RANBP2: variants seen among roughly 807,000 people sequenced by gnomAD.
The protein encoded by RANBP2 is RAN binding protein 2, also known as E3 SUMO-protein ligase RanBP2.
RANBP2 carries 57 observed loss-of-function variants against 303.6 expected under a neutral mutation model. That is an observed-to-expected ratio of 0.19 (90% CI 0.15 to 0.23). RANBP2 has a LOEUF of 0.23. RANBP2 is among the 10% of genes least tolerant of loss of function. The probability of loss-of-function intolerance (pLI) is 1.00; values close to 1 mark genes in which losing one functional copy is unlikely to be tolerated. For missense variants in RANBP2, 3,138 were observed against 3,780.8 expected, an observed-to-expected ratio of 0.83 and a Z score of 4.46; for synonymous variants, 1,167 against 1,301.5, an observed-to-expected ratio of 0.90 and a Z score of 2.23.
the RANBP2 span, among the ~76,000 whole-genome samples, chr2:109,234,192 C>T: frequency 1.3e-5 from 2 of 152,068 alleles, no homozygotes; most frequent in Non-Finnish European, 2.9e-5. Flanking sequence ...AATAATAGGC[C>T]ATTGGAATCT....
At chr2:108,869,535 C>T in the RANBP2 span, among the ~76,000 whole-genome samples, 1 of 152,196 alleles carries the variant, frequency 6.6e-6, no homozygotes, top group South Asian at 2.1e-4. Context: ...GGCACCATAG[C>T]ACATGAAAAC....
At chr2:108,794,431 T>G in the RANBP2 span, 1 of 1,033,606 alleles carries the variant, frequency 9.7e-7, no homozygotes, top group Non-Finnish European at 1.3e-6. Flanking sequence ...CTTGAAACTT[T>G]TTAATGTTAT....
chr2:109,674,244 C>T, the RANBP2 span, among the ~76,000 whole-genome samples: 222 of 151,794 alleles, frequency 1.5e-3, 1 homozygote, highest in African/African-American at 5.2e-3. Context: ...TAACAACCCC[C>T]CCCCAAAATG....
the RANBP2 span, among the ~76,000 whole-genome samples, chr2:109,383,012 C>T: frequency 2.0e-5 from 3 of 152,240 alleles, no homozygotes; most frequent in Non-Finnish European, 4.4e-5. Flanking sequence ...ACCTGGAGAT[C>T]GGCCTTAGGA....
chr2:109,371,784 A>C, the RANBP2 span: 12 of 950,958 alleles, frequency 1.3e-5, no homozygotes, highest in African/African-American at 1.9e-4. Context: ...AGAGAGAAAG[A>C]GGATCCTCCA....
At chr2:109,614,825 C>G in the RANBP2 span, 381 of 1,433,120 alleles carry the variant, frequency 2.7e-4, no homozygotes, top group Non-Finnish European at 3.4e-4. Context: ...CTGCCGGGCC[C>G]GAGGCGCGCG....
the RANBP2 span, among the ~76,000 whole-genome samples, chr2:109,078,098 A>ATATATATATAGCGTG: frequency 0.061 from 3,671 of 59,774 alleles, 511 homozygotes; most frequent in East Asian, 0.48. Context: ...ATATATATAT[A>ATATATATATAGCGTG]TATATATATA....
the RANBP2 span, among the ~76,000 whole-genome samples, chr2:109,735,192 A>G: frequency 6.6e-6 from 1 of 152,112 alleles, no homozygotes; most frequent in South Asian, 2.1e-4. Context: ...CTTAATAACC[A>G]CTATTCTACT....
chr2:109,371,243 A>G, the RANBP2 span, among the ~76,000 whole-genome samples: 1 of 152,230 alleles, frequency 6.6e-6, no homozygotes, highest in African/African-American at 2.4e-5. Flanking sequence ...TACAAAAATT[A>G]GCTGGGTGTG....
At chr2:109,213,151 C>G in the RANBP2 span, among the ~76,000 whole-genome samples, 1 of 152,200 alleles carries the variant, frequency 6.6e-6, no homozygotes, top group Admixed American at 6.5e-5. Flanking sequence ...AGTTTTTAAA[C>G]TGGGTTTAAA....
the RANBP2 span, among the ~76,000 whole-genome samples, chr2:109,053,174 T>C: frequency 6.6e-6 from 1 of 152,246 alleles, no homozygotes; most frequent in East Asian, 1.9e-4. Flanking sequence ...ACACCTCATC[T>C]GTCTGCACAA....
chr2:108,860,190 A>G, the RANBP2 span, among the ~76,000 whole-genome samples: 2 of 151,412 alleles, frequency 1.3e-5, no homozygotes, highest in Admixed American at 6.6e-5. Context: ...TTGTACGTTG[A>G]ATTTGTATCT....
At chr2:108,918,444 C>T in the RANBP2 span, among the ~76,000 whole-genome samples, 3 of 152,164 alleles carry the variant, frequency 2.0e-5, no homozygotes, top group Non-Finnish European at 2.9e-5. Flanking sequence ...TGGCCAACTG[C>T]GGGTCCATCT....
the RANBP2 span, chr2:109,613,834 G>T: frequency 8.1e-7 from 1 of 1,237,456 alleles, no homozygotes; most frequent in Non-Finnish European, 1.0e-6. Context: ...CCATGGTCGC[G>T]GGCAGGGGCA....
the RANBP2 span, among the ~76,000 whole-genome samples, chr2:108,835,750 T>C: frequency 1.3e-5 from 2 of 152,248 alleles, no homozygotes; most frequent in African/African-American, 4.8e-5. Context: ...TATTTTATCT[T>C]GCAAAACTAA....
the RANBP2 span, among the ~76,000 whole-genome samples, chr2:108,942,394 G>A: frequency 3.3e-5 from 5 of 152,224 alleles, no homozygotes; most frequent in Admixed American, 3.3e-4. Flanking sequence ...GGGGCTGAGG[G>A]GAGGAAGGGC....
At chr2:109,154,837 C>T in the RANBP2 span, among the ~76,000 whole-genome samples, 6 of 152,220 alleles carry the variant, frequency 3.9e-5, no homozygotes, top group Non-Finnish European at 7.3e-5. Context: ...GCCCCACTTT[C>T]TGCTATGGCC....
At chr2:109,233,220 T>C in the RANBP2 span, among the ~76,000 whole-genome samples, 1 of 152,196 alleles carries the variant, frequency 6.6e-6, no homozygotes, top group Admixed American at 6.5e-5. Context: ...ACCCAGGTTC[T>C]TGTCCAGCAC....
the RANBP2 span, chr2:109,616,936 ATTCTGAGGATTATTTAACCATTG>A: frequency 6.0e-6 from 1 of 166,988 alleles, no homozygotes; most frequent in South Asian, 2.1e-4. Context: ...TGGGGTGTTT[ATTCTGAGGATTATTTAACCATTG>A]TTCTATTTGG....
Sources: allele counts gnomAD v4.1 joint callset (sites outside exome capture counted in the v4.1 genomes callset), GRCh38; gene constraint gnomAD v4.1.1; transcripts MANE v1.5; gene names NCBI Gene and HGNC (gene_info 2026-07-23, HGNC 2026-07-21).